Variants in PRKCQ observed in about 807,000 individuals in gnomAD.
PRKCQ encodes the protein protein kinase C theta.
Under a neutral mutation model 91.2 loss-of-function variants are expected in PRKCQ, and 41 were observed. The ratio of observed to expected loss-of-function variants is 0.45; its 90% CI spans 0.35 to 0.58. The LOEUF (loss-of-function observed/expected upper bound fraction) is 0.58. Among genes scored for constraint, PRKCQ ranks in the 20% least tolerant of loss-of-function variants. The pLI, the probability that PRKCQ is intolerant of heterozygous loss-of-function variation, is 0.00. For missense variants in PRKCQ, 673 were observed against 896.5 expected, an observed-to-expected ratio of 0.75 and a Z score of 3.18; for synonymous variants, 307 against 316.9, an observed-to-expected ratio of 0.97 and a Z score of 0.33.
In PRKCQ at chr10:6,456,770, A is replaced by G; in HGVS notation, c.1551T>C (p.His517=). ...LDNILLDKDG[H]IKIADFGMCK... ...ACATTCCAAAATCCGCGATCTTGAT[A>G]TGTCCATCTTTGTCTAACAGGATGT... Residue 517 remains histidine (H), a synonymous_variant, in exon 15 of 18, where the codon CAT becomes CAC. Coordinates refer to ENST00000263125, the MANE Select transcript of PRKCQ (RefSeq NM_006257.5). 1 of 1,614,156 alleles carries G rather than the reference A, an allele frequency of 6.2e-7. No homozygotes were observed.
chr10:6,537,519 C>T (rs1839628851), intron 1 of PRKCQ, among the ~76,000 whole-genome samples: 1 of 152,154 alleles, frequency 6.6e-6, no homozygotes, highest in Non-Finnish European at 1.5e-5. Flanking sequence ...AACCTGAGGA[C>T]ATTGCACTGC....
chr10:6,436,545 C>T (rs1053341409), intron 16 of PRKCQ, among the ~76,000 whole-genome samples: 1 of 152,214 alleles, frequency 6.6e-6, no homozygotes, highest in Non-Finnish European at 1.5e-5. Context: ...TCTACCTGTG[C>T]TGCATCCTGA....
chr10:6,415,998 C>T, the PRKCQ span, among the ~76,000 whole-genome samples: 2 of 152,034 alleles, frequency 1.3e-5, no homozygotes, highest in African/African-American at 2.4e-5. Flanking sequence ...ATGCCCGACT[C>T]GACCTCTCAA....
chr10:6,485,000 C>T (rs80304208), intron 10 of PRKCQ, 152 bp downstream of exon 10: 37 of 674,588 alleles, frequency 5.5e-5, no homozygotes, highest in African/African-American at 5.4e-4. Flanking sequence ...GTTTTAGTTT[C>T]TTTTCTAAGA....
chr10:6,579,662 T>C lies in PRKCQ; in HGVS notation c.-10+549A>G, dbSNP rs866948929. Among the ~76,000 whole-genome samples, 371 of 142,902 alleles carry C rather than the reference T, an allele frequency of 2.6e-3. 2 individuals are homozygous for C. The highest frequency in any genetic ancestry group is 8.4e-3 in the South Asian group (39 of 4,654). 93.7% of individuals were successfully genotyped at this position (142,902 alleles called of 152,430 possible). ...ACGCAGATTTTTCTTTTTTTTTTTT[T>C]TTTGGTATCTTTCAAAGACCTGCCT... On this transcript the variant is annotated intron_variant, in intron 1 of 17. Coordinates refer to ENST00000263125, the MANE Select transcript of PRKCQ (RefSeq NM_006257.5).
chr10:6,534,986 C>T (rs113436128), intron 1 of PRKCQ, among the ~76,000 whole-genome samples: 1 of 152,010 alleles, frequency 6.6e-6, no homozygotes, highest in African/African-American at 2.4e-5. Context: ...TATATTTATT[C>T]GGTTTGAAGT....
intron 1 of PRKCQ, among the ~76,000 whole-genome samples, chr10:6,558,936 G>A (rs1009916486): frequency 1.3e-5 from 2 of 152,128 alleles, no homozygotes; most frequent in East Asian, 1.9e-4. Flanking sequence ...GCATGGTCAC[G>A]CGCAGAGAGG....
In PRKCQ at chr10:6,490,775, A is replaced by G. The variant is rs79727343; in HGVS notation, c.790+908T>C. On this transcript the variant is annotated intron_variant, in intron 8 of 17. Coordinates refer to ENST00000263125, the MANE Select transcript of PRKCQ (RefSeq NM_006257.5). ...TCAGAAAAAAAGTAAAAGAAGAAGA[A>G]AAAAATCAGAAGCTGTCTGTATGCA... Among the ~76,000 whole-genome samples the G allele has an allele frequency of 5.3e-3, 800 of 152,132 alleles. 2 individuals are homozygous for G. Among genetic ancestry groups the G allele is most frequent in the African/African-American group, 0.019 (774 of 41,498 alleles).
At chr10:6,569,513 G>C (rs1840956661) in intron 1 of PRKCQ, among the ~76,000 whole-genome samples, 1 of 152,114 alleles carries the variant, frequency 6.6e-6, no homozygotes, top group Non-Finnish European at 1.5e-5. Context: ...GTAGCCTTTG[G>C]AGAACTTAAG....
At chr10:6,557,548 T>C (rs2130947966) in intron 1 of PRKCQ, among the ~76,000 whole-genome samples, 1 of 152,316 alleles carries the variant, frequency 6.6e-6, no homozygotes, top group South Asian at 2.1e-4. Context: ...GGAATACATT[T>C]TGACTTTCCT....
At chr10:6,449,103 GAGA>G (rs1401799334) in intron 15 of PRKCQ, among the ~76,000 whole-genome samples, 6 of 152,334 alleles carry the variant, frequency 3.9e-5, no homozygotes, top group African/African-American at 4.8e-5. Flanking sequence ...GACGAGTTGA[GAGA>G]AGAAGGCTTC....
chr10:6,514,352 C>T (rs1212165095), intron 2 of PRKCQ, among the ~76,000 whole-genome samples: 2 of 151,650 alleles, frequency 1.3e-5, no homozygotes, highest in African/African-American at 4.8e-5. Context: ...AGCCGGCCGA[C>T]GTGACCACAG....
chr10:6,538,834 G>T (rs1330381280), intron 1 of PRKCQ, among the ~76,000 whole-genome samples: 1 of 152,086 alleles, frequency 6.6e-6, no homozygotes, highest in African/African-American at 2.4e-5. Context: ...CTGTCACCCA[G>T]TTCACTGCAA....
intron 1 of PRKCQ, among the ~76,000 whole-genome samples, chr10:6,544,235 T>C (rs1839873839): frequency 6.6e-6 from 1 of 152,206 alleles, no homozygotes; most frequent in Non-Finnish European, 1.5e-5. Context: ...GTTTTGAGCT[T>C]AATTCCCACT....
chr10:6,464,447 TTTTA>T (rs768815649), intron 12 of PRKCQ, 43 bp from the exon 13 acceptor site: 57 of 1,413,690 alleles, frequency 4.0e-5, no homozygotes, highest in Admixed American at 7.6e-5. Flanking sequence ...TTCATTTCAT[TTTTA>T]TTTATTTATT....
At chr10:6,425,957 G>A (rs969717670), downstream of PRKCQ, among the ~76,000 whole-genome samples, 1 of 152,124 alleles carries the variant, frequency 6.6e-6, no homozygotes, top group African/African-American at 2.4e-5. Context: ...GGTGTCAGGA[G>A]GATGCTGGGT....
intron 15 of PRKCQ, among the ~76,000 whole-genome samples, chr10:6,448,141 T>C (rs1321845423): frequency 6.6e-6 from 1 of 152,166 alleles, no homozygotes; most frequent in African/African-American, 2.4e-5. Context: ...TTTAGGGTGT[T>C]TGACTTTGTG....
intron 12 of PRKCQ, among the ~76,000 whole-genome samples, chr10:6,475,470 T>A (rs531144967): frequency 6.6e-6 from 1 of 152,348 alleles, no homozygotes; most frequent in East Asian, 1.9e-4. Flanking sequence ...TTAAAAACTT[T>A]AACAATTTAA....
At chr10:6,460,003 C>T (rs762422845) in intron 14 of PRKCQ, among the ~76,000 whole-genome samples, 3 of 152,220 alleles carry the variant, frequency 2.0e-5, no homozygotes, top group Admixed American at 6.5e-5. Flanking sequence ...TACACACAGA[C>T]AGTTGAATAA....
Sources: gnomAD v4.1 joint callset for allele counts (sites outside exome capture counted in the v4.1 genomes callset) on GRCh38, gnomAD v4.1.1 for gene constraint, MANE v1.5 for transcripts, NCBI Gene and HGNC (gene_info 2026-07-23, HGNC 2026-07-21) for gene names.